The following KPNA1 variants were observed in gnomAD, a reference collection of about 807,000 sequenced individuals.
KPNA1 encodes importin subunit alpha-5.
Under a neutral mutation model 70.5 loss-of-function variants are expected in KPNA1, and 10 were observed. The ratio of observed to expected loss-of-function variants is 0.14; its 90% CI spans 0.09 to 0.24. The LOEUF (loss-of-function observed/expected upper bound fraction) is 0.24, where lower values mean the gene tolerates loss of function less well. Ranked by LOEUF, KPNA1 falls within the 10% of genes least tolerant of loss-of-function variation. The pLI is 1.00. For synonymous variants in KPNA1, 192 were observed against 221.9 expected, an observed-to-expected ratio of 0.87 and a Z score of 1.20; for missense variants, 397 against 637.9, an observed-to-expected ratio of 0.62 and a Z score of 4.07.
intron 8 of KPNA1, 68 bp downstream of exon 8, chr3:122,451,466 T>TGC: frequency 7.6e-6 from 6 of 786,912 alleles, no homozygotes; most frequent in Non-Finnish European, 1.3e-5. Flanking sequence ...CCTGTTCACC[T>TGC]TACCATTGGT....
At chr3:122,487,783 T>C (rs577473880) in intron 2 of KPNA1, among the ~76,000 whole-genome samples, 24 of 152,330 alleles carry the variant, frequency 1.6e-4, no homozygotes, top group Admixed American at 2.6e-4. Flanking sequence ...TTGTTTAATG[T>C]GGCATAGAAT....
rs2076319995 is a variant in KPNA1, at chr3:122,461,206, A to C, written c.432+18T>G. Reference sequence around the variant, plus strand: ...AAAGGAATTAAGTTATGAGGCAATAAATAAAAATTATTCGCACCTGCAGTG... The same window carrying C: ...AAAGGAATTAAGTTATGAGGCAATACATAAAAATTATTCGCACCTGCAGTG... On this transcript the variant is annotated intron_variant, in intron 5 of 13. Transcript: ENST00000344337. 2 of 1,498,950 alleles carry C rather than the reference A, an allele frequency of 1.3e-6. No individual in the cohort carries two copies. The highest frequency in any genetic ancestry group is 1.4e-5 in the African/African-American group (1 of 71,342). The allele number at this position is 1,498,950 out of a possible 1,614,324, so 92.9% of individuals were successfully genotyped here. A position where few individuals can be genotyped will look rare whatever the true frequency, so the allele number is the denominator to read the frequency against.
chr3:122,427,839 T>A (rs1040503317), intron 12 of KPNA1, 123 bp from the exon 13 acceptor site: 1 of 577,222 alleles, frequency 1.7e-6, no homozygotes, highest in Non-Finnish European at 2.8e-6. Flanking sequence ...AAACAAGCAC[T>A]CTTTCAACCA....
Position 122,492,574 on chromosome 3 carries a change from A to G in KPNA1, c.129+3863T>C, listed in dbSNP as rs149082812. Among the ~76,000 whole-genome samples, 1,322 of 152,332 alleles carry G rather than the reference A, an allele frequency of 8.7e-3. 12 individuals are homozygous for G. Among genetic ancestry groups the G allele is most frequent in the Non-Finnish European group, 0.012 (842 of 68,022 alleles). On this transcript the variant is annotated intron_variant, in intron 2 of 13. Transcript: ENST00000344337. ...TATTTTTTCATATGGAAGCTTCAAC[A>G]TCCAATGTAAATTTTACACTTACAT...
At chr3:122,483,804 C>A (rs2076598697) in intron 2 of KPNA1, among the ~76,000 whole-genome samples, 1 of 152,028 alleles carries the variant, frequency 6.6e-6, no homozygotes, top group African/African-American at 2.4e-5. Flanking sequence ...TTTGGTACAA[C>A]CAGAAAATAG....
At chr3:122,510,237 A>C (rs560277422) in intron 1 of KPNA1, among the ~76,000 whole-genome samples, 1 of 152,304 alleles carries the variant, frequency 6.6e-6, no homozygotes, top group East Asian at 1.9e-4. Flanking sequence ...ATGTACTCCA[A>C]GGAAATAAGT....
chr3:122,487,096 C>T (rs2076638474), intron 2 of KPNA1, among the ~76,000 whole-genome samples: 2 of 152,156 alleles, frequency 1.3e-5, no homozygotes, highest in Middle Eastern at 3.4e-3. Flanking sequence ...AGGCAGGGAC[C>T]ATCAAAGACT....
intron 2 of KPNA1, among the ~76,000 whole-genome samples, chr3:122,478,330 T>TA (rs1366341654): frequency 6.6e-6 from 1 of 151,390 alleles, no homozygotes; most frequent in Non-Finnish European, 1.5e-5. Flanking sequence ...CTAAATGTAA[T>TA]AAAAAACTAG....
At chr3:122,447,163 C>T (rs2076149020) in intron 9 of KPNA1, among the ~76,000 whole-genome samples, 1 of 152,208 alleles carries the variant, frequency 6.6e-6, no homozygotes, top group African/African-American at 2.4e-5. Flanking sequence ...CTACCTAACT[C>T]ATTTTATGAG....
At chr3:122,494,687 C>A (rs539131476) in intron 2 of KPNA1, among the ~76,000 whole-genome samples, 2 of 151,966 alleles carry the variant, frequency 1.3e-5, no homozygotes, top group Admixed American at 6.6e-5. Flanking sequence ...GGTAATTGGA[C>A]AGAAATTGCA....
chr3:122,463,439 T>TGG (rs1224168870), intron 4 of KPNA1, among the ~76,000 whole-genome samples: 4 of 150,974 alleles, frequency 2.6e-5, no homozygotes, highest in African/African-American at 4.9e-5. Flanking sequence ...GAAAATCGCT[T>TGG]GAACCAGGGA....
At chr3:122,511,718 A>T (rs1175602590) in intron 1 of KPNA1, among the ~76,000 whole-genome samples, 1 of 152,240 alleles carries the variant, frequency 6.6e-6, no homozygotes, top group African/African-American at 2.4e-5. Flanking sequence ...GGCTAAATTC[A>T]TAACACCATG....
intron 10 of KPNA1, among the ~76,000 whole-genome samples, chr3:122,437,878 C>G (rs2076009902): frequency 6.6e-6 from 1 of 152,138 alleles, no homozygotes; most frequent in Non-Finnish European, 1.5e-5. Flanking sequence ...GAATTAATCA[C>G]TAAACAGAGA....
chr3:122,467,612 T>A (rs1223761442), intron 2 of KPNA1, among the ~76,000 whole-genome samples, 183 bp from the exon 3 acceptor site: 1 of 151,394 alleles, frequency 6.6e-6, no homozygotes, highest in Admixed American at 6.6e-5. Context: ...TAATCAAATA[T>A]AATTAACTAT....
intron 9 of KPNA1, among the ~76,000 whole-genome samples, chr3:122,448,825 A>G (rs1393144695): frequency 1.3e-5 from 2 of 152,146 alleles, no homozygotes; most frequent in East Asian, 1.9e-4. Flanking sequence ...TACTTCCCAG[A>G]TTTTGAATGA....
chr3:122,467,442 A>G lies in KPNA1; in HGVS notation c.130-13T>C, dbSNP rs765026345. On this transcript the variant is annotated splice_polypyrimidine_tract_variant and intron_variant, in intron 2 of 13. Transcript: ENST00000344337. ...TCCGCTTGAATAACTGAAAGATAAA[A>G]GATTGGTAGCAATGTAAATGTAAAT... 1 of 1,523,852 alleles carries G rather than the reference A, an allele frequency of 6.6e-7. No homozygotes were observed. Among genetic ancestry groups the G allele is most frequent in the African/African-American group, 1.4e-5 (1 of 73,154 alleles). 94.4% of individuals were successfully genotyped at this position (1,523,852 alleles called of 1,614,324 possible).
chr3:122,469,677 C>CA (rs1425917648), intron 2 of KPNA1, among the ~76,000 whole-genome samples: 1 of 152,110 alleles, frequency 6.6e-6, no homozygotes, highest in Non-Finnish European at 1.5e-5. Flanking sequence ...ACTGGAAGCC[C>CA]AGAGAACACC....
intron 4 of KPNA1, among the ~76,000 whole-genome samples, chr3:122,462,860 C>T (rs2076339390): frequency 6.6e-6 from 1 of 152,102 alleles, no homozygotes; most frequent in African/African-American, 2.4e-5. Flanking sequence ...TAATCGGGTT[C>T]AGAATTCTTT....
chr3:122,440,661 T>G (rs1290142264), intron 10 of KPNA1, among the ~76,000 whole-genome samples: 1 of 152,220 alleles, frequency 6.6e-6, no homozygotes, highest in Non-Finnish European at 1.5e-5. Context: ...CAGAGAAATT[T>G]TATGCAAATA....
Sources: allele counts gnomAD v4.1 joint callset (sites outside exome capture counted in the v4.1 genomes callset), GRCh38; gene constraint gnomAD v4.1.1; transcripts MANE v1.5; gene names NCBI Gene and HGNC (gene_info 2026-07-23, HGNC 2026-07-21).